Variants in PLEKHG4B observed in about 807,000 individuals in gnomAD.
The protein encoded by PLEKHG4B is pleckstrin homology domain-containing family G member 4B.
A neutral mutation model predicts 121.3 loss-of-function variants in PLEKHG4B; 111 were observed. The observed-to-expected ratio is 0.92, with a 90% CI of 0.78 to 1.07. The LOEUF is 1.07. Ranked by LOEUF, PLEKHG4B falls within the 50% of genes least tolerant of loss-of-function variation. The pLI, the probability that PLEKHG4B is intolerant of heterozygous loss-of-function variation, is 0.00. For synonymous variants in PLEKHG4B, 738 were observed against 725.0 expected (o/e 1.02, Z -0.29); for missense variants, 1,831 against 1,757.8 (o/e 1.04, Z -0.74).
intron 3 of PLEKHG4B, 56 bp downstream of exon 3, chr5:140,772 CA>C: frequency 7.0e-7 from 1 of 1,420,062 alleles, no homozygotes; most frequent in Non-Finnish European, 9.3e-7. Context: ...CTACACATCC[CA>C]CAATCTCCCC....
At chr5:169,200 A>G (rs918294136) in intron 13 of PLEKHG4B, 140 bp from the exon 14 acceptor site, 151 of 1,175,496 alleles carry the variant, frequency 1.3e-4, no homozygotes, top group African/African-American at 9.9e-4. Flanking sequence ...TGCATCCCAC[A>G]TGTGCCCATG....
intron 18 of PLEKHG4B, among the ~76,000 whole-genome samples, 180 bp from the exon 19 acceptor site, chr5:181,334 G>A (rs1736927592): frequency 6.6e-6 from 1 of 152,276 alleles, no homozygotes. Flanking sequence ...TCTCTTTGGT[G>A]CCGAAAACCG....
chr5:143,513 G>T lies in PLEKHG4B; in HGVS notation c.1811+10G>T. ...TCCATAGCATCCCCAGGTGGGACGG[G>T]GGGCAAGGCCGCACCCTGCAGACCC... On this transcript the variant is annotated intron_variant, in intron 5 of 19. Coordinates refer to ENST00000637938, the MANE Select transcript of PLEKHG4B (RefSeq NM_052909.5). 1 of 1,612,556 alleles carries T rather than the reference G, an allele frequency of 6.2e-7. No individual in the cohort carries two copies. The highest frequency in any genetic ancestry group is 8.5e-7 in the Non-Finnish European group (1 of 1,179,858).
intron 1 of PLEKHG4B, among the ~76,000 whole-genome samples, chr5:99,336 T>C (rs1448704450): frequency 4.6e-5 from 7 of 151,608 alleles, no homozygotes; most frequent in Non-Finnish European, 1.5e-5. Context: ...CTTTAGGTAG[T>C]GTGGACGTCT....
At chr5:145,070 T>G in intron 6 of PLEKHG4B, 150 bp downstream of exon 6, 1 of 626,860 alleles carries the variant, frequency 1.6e-6, no homozygotes, top group Non-Finnish European at 2.8e-6. Flanking sequence ...GCCACCTCCT[T>G]CTTGGGGTCT....
At chr5:95,671 C>T (rs1031387881) in intron 1 of PLEKHG4B, among the ~76,000 whole-genome samples, 2 of 152,184 alleles carry the variant, frequency 1.3e-5, no homozygotes, top group Middle Eastern at 3.2e-3. Context: ...ACTCTCCTTC[C>T]GGGCTTGCCA....
In PLEKHG4B at chr5:172,916, G is replaced by T; in HGVS notation, c.4070G>T (p.Gly1357Val). The change falls in exon 17 of 20, where the codon GGG (glycine) becomes GTG (valine). Residue 1357 changes from glycine (G) to valine (V), a missense_variant. Coordinates refer to ENST00000637938, the MANE Select transcript of PLEKHG4B (RefSeq NM_052909.5). Reference protein sequence around the residue: ...RGCDVNLKEQGQLRCRDEFIV... With the variant: ...RGCDVNLKEQVQLRCRDEFIV... ...CTGCAGGTGAATTTGAAGGAACAGG[G>T]GCAGCTGAGATGCCGGGATGAGTTT... 1 of 1,614,170 alleles carries T rather than the reference G, an allele frequency of 6.2e-7. No homozygotes were observed.
chr5:128,232 A>G (rs1277911811), intron 2 of PLEKHG4B, among the ~76,000 whole-genome samples: 3 of 152,330 alleles, frequency 2.0e-5, no homozygotes, highest in Non-Finnish European at 4.4e-5. Context: ...TCCCCCACCA[A>G]GGACAGCTTT....
intron 18 of PLEKHG4B, among the ~76,000 whole-genome samples, chr5:178,205 T>G (rs985077461): frequency 1.3e-5 from 2 of 152,198 alleles, no homozygotes; most frequent in Non-Finnish European, 2.9e-5. Context: ...ATTAACACTT[T>G]AGTGCAGCAG....
chr5:163,823 T>TAA (rs1160350366), intron 13 of PLEKHG4B, among the ~76,000 whole-genome samples: 2 of 152,240 alleles, frequency 1.3e-5, no homozygotes, highest in Non-Finnish European at 2.9e-5. Context: ...CGACCAACTC[T>TAA]AGTTATTTTC....
Position 182,376 on chromosome 5 carries a change from C to A in PLEKHG4B, c.*53C>A. 1 of 1,504,058 alleles carries A rather than the reference C, an allele frequency of 6.6e-7. No homozygotes were observed. Among genetic ancestry groups the A allele is most frequent in the Non-Finnish European group, 8.9e-7 (1 of 1,121,996 alleles). The allele number at this position is 1,504,058 out of a possible 1,614,324, so 93.2% of individuals were successfully genotyped here. ...TGTGGCTAGAACAATACAGAGGGAG[C>A]AGCACGCCAGGCCTGATGACTCTGG... On this transcript the variant is annotated 3_prime_UTR_variant, in exon 20 of 20. Transcript: ENST00000637938.
At chr5:168,604 C>G (rs1011401764) in intron 13 of PLEKHG4B, among the ~76,000 whole-genome samples, 1 of 152,168 alleles carries the variant, frequency 6.6e-6, no homozygotes, top group Non-Finnish European at 1.5e-5. Context: ...CAGCTGGGAA[C>G]GAGAAACCTT....
At chr5:116,258 A>G (rs1390600545) in intron 2 of PLEKHG4B, among the ~76,000 whole-genome samples, 1 of 152,210 alleles carries the variant, frequency 6.6e-6, no homozygotes, top group Non-Finnish European at 1.5e-5. Flanking sequence ...GAACACACAC[A>G]ATGTTTATTG....
chr5:155,337 C>T lies in PLEKHG4B; in HGVS notation c.2110-8C>T. 1.9e-6 allele frequency: 3 copies of T among 1,611,788 alleles called. No individual in the cohort carries two copies. The South Asian group carries it at 3.3e-5, about 18-fold the overall frequency. On this transcript the variant is annotated splice_region_variant and splice_polypyrimidine_tract_variant and intron_variant, in intron 8 of 19. Transcript: ENST00000637938. ...TCTTATAATCTCCTCCCTCTCAACT[C>T]ACAACAGAGGCTGGAACACTTCGCT...
In PLEKHG4B at chr5:181,574, A is replaced by G. The variant is rs1257179035; in HGVS notation, c.4463A>G (p.Lys1488Arg). The G allele has an allele frequency of 1.4e-5, 23 of 1,613,584 alleles. No individual in the cohort carries two copies. Among genetic ancestry groups the G allele is most frequent in the Non-Finnish European group, 1.9e-5 (23 of 1,179,864 alleles). ...GIGNQPFMDV[K>R]PRDRTPDCAV... is the part of the protein sequence containing the mutation. The stretch of plus-strand genomic sequence containing the variant: ...GGCAACCAGCCATTCATGGATGTCA[A>G]GCCCAGAGACCGGACCCCTGACTGT... The change falls in exon 19 of 20, where the codon AAG (lysine) becomes AGG (arginine). Residue 1488 changes from lysine to arginine, a missense_variant. Physicochemically the swap from Lys to Arg is conservative, Grantham distance 26. Transcript: ENST00000637938.
rs1317811602 is a variant in PLEKHG4B, at chr5:174,102, G to T, written c.4402+4G>T. The T allele has an allele frequency of 6.4e-7, 1 of 1,566,220 alleles. No homozygotes were observed. Among genetic ancestry groups the T allele is most frequent in the Non-Finnish European group, 8.7e-7 (1 of 1,156,020 alleles). On this transcript the variant is annotated splice_donor_region_variant and intron_variant, in intron 18 of 19. Transcript: ENST00000637938. ...CGGCAGGCACTAAAGAGCAGAGGTG[G>T]GAAGATGGGGGCCGCAGGGCCTGCC...
chr5:169,727 G>A (rs1373221106), intron 14 of PLEKHG4B, 135 bp downstream of exon 14: 2 of 1,348,058 alleles, frequency 1.5e-6, no homozygotes, highest in African/African-American at 2.9e-5. Context: ...GTCCTGACAG[G>A]ATGTTAAGAC....
intron 18 of PLEKHG4B, chr5:179,587 G>A (rs1194220687): frequency 6.5e-6 from 1 of 152,692 alleles, no homozygotes; most frequent in Non-Finnish European, 1.5e-5. Flanking sequence ...AGAGACCTGG[G>A]CAGCCACCGC....
chr5:174,860 G>A (rs1281665311), intron 18 of PLEKHG4B, among the ~76,000 whole-genome samples: 1 of 152,104 alleles, frequency 6.6e-6, no homozygotes, highest in Non-Finnish European at 1.5e-5. Flanking sequence ...CAGAAATGAA[G>A]GGGCTGAGCT....
Sources: gnomAD v4.1 joint callset for allele counts (sites outside exome capture counted in the v4.1 genomes callset) on GRCh38, gnomAD v4.1.1 for gene constraint, MANE v1.5 for transcripts, NCBI Gene and HGNC (gene_info 2026-07-23, HGNC 2026-07-21) for gene names.